Variants in MAP3K19 observed in about 807,000 individuals in gnomAD.
MAP3K19 encodes mitogen-activated protein kinase kinase kinase 19.
A neutral mutation model predicts 114.4 loss-of-function variants in MAP3K19; 91 were observed. The ratio of observed to expected loss-of-function variants is 0.80; its 90% CI spans 0.67 to 0.95. The LOEUF (loss-of-function observed/expected upper bound fraction) is 0.95, where lower values mean the gene tolerates loss of function less well. Ranked by LOEUF, MAP3K19 falls within the 40% of genes least tolerant of loss-of-function variation. The pLI, the probability that MAP3K19 is intolerant of heterozygous loss-of-function variation, is 0.00. For synonymous variants in MAP3K19, 518 were observed against 530.5 expected, an observed-to-expected ratio of 0.98 and a Z score of 0.32; for missense variants, 1,471 against 1,573.2, an observed-to-expected ratio of 0.94 and a Z score of 1.10.
In MAP3K19 at chr2:134,973,299, C is replaced by T. The variant is rs750099359; in HGVS notation, c.3920+7522G>A. Among the ~76,000 whole-genome samples, 110 of 152,106 alleles carry T rather than the reference C, an allele frequency of 7.2e-4. 3 individuals are homozygous for T. Among genetic ancestry groups the T allele is most frequent in the Admixed American group, 1.4e-3 (21 of 15,266 alleles). On this transcript the variant is annotated intron_variant, in intron 12 of 12. Coordinates refer to ENST00000392915, the MANE Select transcript of MAP3K19 (RefSeq NM_025052.5). ...ATCTAATAATATTTGCTTCATATAC[C>T]TGGGTGCTCTGGTGCAGGGTGCATC... is the stretch of plus-strand genomic sequence containing the variant.
chr2:135,042,963 A>G (rs551810256), intron 1 of MAP3K19, among the ~76,000 whole-genome samples: 3 of 151,920 alleles, frequency 2.0e-5, no homozygotes, highest in African/African-American at 7.2e-5. Context: ...CGCACCTGTA[A>G]TCCCAGCTAC....
chr2:135,014,952 T>C (rs576489832), intron 5 of MAP3K19, among the ~76,000 whole-genome samples: 8 of 152,348 alleles, frequency 5.3e-5, no homozygotes, highest in African/African-American at 1.9e-4. Flanking sequence ...CTATTCTTGA[T>C]AGGCACTTGG....
chr2:135,005,261 G>T (rs754997320), intron 6 of MAP3K19, among the ~76,000 whole-genome samples, 174 bp downstream of exon 6: 9 of 152,098 alleles, frequency 5.9e-5, no homozygotes, highest in Non-Finnish European at 1.2e-4. Context: ...CAGGTATTAA[G>T]CCTAGTACCC....
chr2:134,968,492 A>ACC (rs541451938), intron 12 of MAP3K19, among the ~76,000 whole-genome samples: 1 of 123,496 alleles, frequency 8.1e-6, no homozygotes, highest in South Asian at 2.6e-4. Flanking sequence ...CGGGGGGCTG[A>ACC]CCCCCCACCT....
intron 8 of MAP3K19, among the ~76,000 whole-genome samples, chr2:134,992,362 C>A (rs1685643741): frequency 6.6e-6 from 1 of 152,262 alleles, no homozygotes; most frequent in Admixed American, 6.5e-5. Flanking sequence ...ATGGGACTTA[C>A]TAGGTAGTAT....
At chr2:134,988,868 T>C (rs953983650) in intron 9 of MAP3K19, among the ~76,000 whole-genome samples, 4 of 152,196 alleles carry the variant, frequency 2.6e-5, no homozygotes, top group African/African-American at 9.7e-5. Context: ...TTTATTTCTC[T>C]TCTTTTTTCT....
chr2:135,002,156 A>T (rs1426158176), intron 6 of MAP3K19, among the ~76,000 whole-genome samples: 1 of 152,302 alleles, frequency 6.6e-6, no homozygotes, highest in Middle Eastern at 3.4e-3. Flanking sequence ...TCACATAATG[A>T]GGGTAAATTA....
At chr2:134,966,253 G>C (rs183595943) in intron 12 of MAP3K19, among the ~76,000 whole-genome samples, 1 of 152,124 alleles carries the variant, frequency 6.6e-6, no homozygotes, top group Non-Finnish European at 1.5e-5. Flanking sequence ...TCAGTAGGAG[G>C]ATTGCTGGAT....
chr2:135,031,308 G>A (rs769989898), intron 2 of MAP3K19, among the ~76,000 whole-genome samples: 6 of 152,164 alleles, frequency 3.9e-5, no homozygotes, highest in Non-Finnish European at 7.3e-5. Context: ...TGTCTAAGCT[G>A]AGACCTGAGG....
chr2:135,037,343 A>C (rs973400264), intron 2 of MAP3K19, among the ~76,000 whole-genome samples: 1 of 152,208 alleles, frequency 6.6e-6, no homozygotes, highest in Admixed American at 6.5e-5. Context: ...AGCTGAATGG[A>C]TTCAGGACTT....
intron 8 of MAP3K19, among the ~76,000 whole-genome samples, chr2:134,996,164 G>T (rs1685972003): frequency 2.6e-5 from 4 of 151,780 alleles, no homozygotes. Flanking sequence ...TGCCTATGTT[G>T]CCCAGGCTGG....
chr2:134,968,004 CGG>C (rs1683503203), intron 12 of MAP3K19, among the ~76,000 whole-genome samples: 1 of 152,024 alleles, frequency 6.6e-6, no homozygotes, highest in Admixed American at 6.5e-5. Flanking sequence ...GAGGACCCTG[CGG>C]CCTTCCGCAG....
intron 2 of MAP3K19, among the ~76,000 whole-genome samples, chr2:135,038,634 G>A (rs1350878405): frequency 6.6e-6 from 1 of 151,914 alleles, no homozygotes; most frequent in Non-Finnish European, 1.5e-5. Flanking sequence ...TGGGTGGATT[G>A]CCTGAGTCTG....
chr2:134,972,325 A>T (rs1417925764), intron 12 of MAP3K19, among the ~76,000 whole-genome samples: 1 of 151,956 alleles, frequency 6.6e-6, no homozygotes, highest in African/African-American at 2.4e-5. Flanking sequence ...TTATTTTTAG[A>T]TCCCACAAAT....
In MAP3K19 at chr2:135,005,431, G is replaced by A; in HGVS notation, c.235+4C>T. The A allele has an allele frequency of 2.5e-6, 4 of 1,606,422 alleles. No homozygotes were observed. Among genetic ancestry groups the A allele is most frequent in the Non-Finnish European group, 3.4e-6 (4 of 1,173,032 alleles). ...TAAACACATCAAGGAGTAAAGCCCA[G>A]TACCTTCTGTCCTGGGTTGCCAGTC... On this transcript the variant is annotated splice_donor_region_variant and intron_variant, in intron 6 of 12. Coordinates refer to ENST00000392915, the MANE Select transcript of MAP3K19 (RefSeq NM_025052.5).
intron 12 of MAP3K19, among the ~76,000 whole-genome samples, chr2:134,968,193 C>T (rs1239056539): frequency 1.3e-5 from 2 of 152,136 alleles, no homozygotes; most frequent in Non-Finnish European, 2.9e-5. Flanking sequence ...CACAGATCAA[C>T]AGCATCCCAA....
chr2:134,965,514 T>C (rs1683270663), intron 12 of MAP3K19, among the ~76,000 whole-genome samples: 1 of 152,198 alleles, frequency 6.6e-6, no homozygotes, highest in Non-Finnish European at 1.5e-5. Flanking sequence ...AATGAGCCAG[T>C]TAATGAACCA....
chr2:135,045,537 A>AT (rs1558749208), intron 1 of MAP3K19, among the ~76,000 whole-genome samples: 1 of 152,244 alleles, frequency 6.6e-6, no homozygotes, highest in Non-Finnish European at 1.5e-5. Context: ...AGATATTCAA[A>AT]TAACAACTAG....
intron 5 of MAP3K19, among the ~76,000 whole-genome samples, chr2:135,015,845 A>T (rs1310969725): frequency 6.6e-6 from 1 of 151,844 alleles, no homozygotes; most frequent in Admixed American, 6.6e-5. Context: ...GTGAGCCGAG[A>T]TTGCACCACA....
Sources: allele counts gnomAD v4.1 joint callset (sites outside exome capture counted in the v4.1 genomes callset), GRCh38; gene constraint gnomAD v4.1.1; transcripts MANE v1.5; gene names NCBI Gene and HGNC (gene_info 2026-07-23, HGNC 2026-07-21).